RAD51B: variants seen among roughly 807,000 people sequenced by gnomAD.
The protein encoded by RAD51B is RAD51 paralog B.
RAD51B carries 38 observed loss-of-function variants against 42.2 expected under a neutral mutation model. The ratio of observed to expected loss-of-function variants is 0.90; its 90% confidence interval spans 0.70 to 1.18. The LOEUF is 1.18. RAD51B is among the 50% of genes most tolerant of loss of function. The pLI is 0.00. For synonymous variants in RAD51B, 154 were observed against 145.2 expected, an observed-to-expected ratio of 1.06 and a Z score of -0.43; for missense variants, 373 against 400.7, an observed-to-expected ratio of 0.93 and a Z score of 0.59.
intron 10 of RAD51B, among the ~76,000 whole-genome samples, chr14:68,568,803 C>T (rs1351042104): frequency 6.8e-6 from 1 of 147,938 alleles, no homozygotes; most frequent in Non-Finnish European, 1.5e-5. Flanking sequence ...TTTCTTCTTC[C>T]TCTGCCCTCT....
chr14:68,319,118 G>C (rs2082113545), intron 8 of RAD51B, among the ~76,000 whole-genome samples: 1 of 152,212 alleles, frequency 6.6e-6, no homozygotes, highest in Non-Finnish European at 1.5e-5. Context: ...CATTTGTTGA[G>C]AAGTAAGGGC....
intron 7 of RAD51B, among the ~76,000 whole-genome samples, chr14:68,208,229 A>G (rs1259269159): frequency 6.6e-6 from 1 of 152,226 alleles, no homozygotes; most frequent in Non-Finnish European, 1.5e-5. Flanking sequence ...GTTGGATCTA[A>G]CCCAGATTAC....
intron 10 of RAD51B, among the ~76,000 whole-genome samples, chr14:68,535,801 C>T (rs962727505): frequency 6.6e-6 from 1 of 152,172 alleles, no homozygotes; most frequent in African/African-American, 2.4e-5. Context: ...CCTCTCCTAA[C>T]TCTCAGTGAG....
chr14:67,996,332 G>A (rs1212828363), intron 7 of RAD51B, among the ~76,000 whole-genome samples: 1 of 151,524 alleles, frequency 6.6e-6, no homozygotes, highest in Admixed American at 6.6e-5. Flanking sequence ...GGAGGTCGAG[G>A]CTGCAGTGAG....
At chr14:68,221,498 A>G (rs2079926318) in intron 7 of RAD51B, among the ~76,000 whole-genome samples, 1 of 152,262 alleles carries the variant, frequency 6.6e-6, no homozygotes, top group African/African-American at 2.4e-5. Flanking sequence ...ATGTAGGAGA[A>G]TGAAACTGGA....
chr14:68,304,101 C>T (rs769713634), intron 8 of RAD51B, among the ~76,000 whole-genome samples: 3 of 150,694 alleles, frequency 2.0e-5, no homozygotes, highest in African/African-American at 4.9e-5. Flanking sequence ...GCCTGTGAGG[C>T]GGAGGTTGCA....
intron 10 of RAD51B, among the ~76,000 whole-genome samples, chr14:68,622,714 A>T (rs1891976480): frequency 9.3e-6 from 1 of 107,906 alleles, no homozygotes; most frequent in Non-Finnish European, 1.8e-5. Context: ...CTATTAATGT[A>T]TCCATTTACA....
At chr14:68,522,146 G>C (rs958332882) in intron 10 of RAD51B, among the ~76,000 whole-genome samples, 1 of 152,070 alleles carries the variant, frequency 6.6e-6, no homozygotes, top group Non-Finnish European at 1.5e-5. Context: ...GCCCTCCCTT[G>C]GGTTTGCTGT....
chr14:67,928,444 C>G (rs933290069), intron 7 of RAD51B, among the ~76,000 whole-genome samples: 2 of 152,084 alleles, frequency 1.3e-5, no homozygotes, highest in Non-Finnish European at 2.9e-5. Flanking sequence ...TATTAGCAGG[C>G]TGGAGGAGGC....
intron 11 of RAD51B, among the ~76,000 whole-genome samples, chr14:68,681,341 A>T (rs1345029480): frequency 6.6e-6 from 1 of 152,210 alleles, no homozygotes; most frequent in African/African-American, 2.4e-5. Flanking sequence ...GTAGGATCTT[A>T]TAAGAAATGA....
intron 11 of RAD51B, among the ~76,000 whole-genome samples, chr14:68,674,202 TATAC>T (rs1214037733): frequency 6.6e-6 from 1 of 151,968 alleles, no homozygotes; most frequent in Non-Finnish European, 1.5e-5. Flanking sequence ...CATACACACA[TATAC>T]ATACATATAT....
intron 10 of RAD51B, among the ~76,000 whole-genome samples, chr14:68,648,858 A>G (rs1892640668): frequency 6.6e-6 from 1 of 152,066 alleles, no homozygotes; most frequent in African/African-American, 2.4e-5. Context: ...TGTGATGGCG[A>G]TGACCCTGTG....
intron 7 of RAD51B, among the ~76,000 whole-genome samples, chr14:68,270,732 CTG>C (rs1421282126): frequency 6.6e-6 from 1 of 152,204 alleles, no homozygotes; most frequent in African/African-American, 2.4e-5. Context: ...AGCTCTCTCT[CTG>C]TCTCTTTTTT....
chr14:68,349,104 T>G (rs926336189), intron 8 of RAD51B, among the ~76,000 whole-genome samples: 3 of 152,194 alleles, frequency 2.0e-5, no homozygotes, highest in African/African-American at 7.2e-5. Context: ...AATTTGAAAT[T>G]TATATAATTT....
chr14:68,120,938 A>T (rs2077640401), intron 7 of RAD51B, among the ~76,000 whole-genome samples: 2 of 152,280 alleles, frequency 1.3e-5, no homozygotes, highest in South Asian at 4.1e-4. Context: ...GCTTAAAAAG[A>T]CATATTTTAT....
intron 5 of RAD51B, among the ~76,000 whole-genome samples, chr14:67,878,087 GTTTTATC>G (rs2042786281): frequency 6.6e-6 from 1 of 152,078 alleles, no homozygotes. Flanking sequence ...TATAGTTATA[GTTTTATC>G]TTTTATGTCA....
chr14:67,914,096 C>T (rs1355898553), intron 7 of RAD51B, among the ~76,000 whole-genome samples: 1 of 152,008 alleles, frequency 6.6e-6, no homozygotes, highest in African/African-American at 2.4e-5. Context: ...GATTCTCTTG[C>T]CTCAGCCTCC....
chr14:68,376,818 A>G lies in RAD51B; in HGVS notation c.854-34606A>G, dbSNP rs560890648. On this transcript the variant is annotated intron_variant, in intron 8 of 10. Transcript: ENST00000471583. Reference sequence around the variant, plus strand: ...CAATGGTAAGAACATGTTTTTTTGTAGTTACAATGAGTACATTATACAAGG... The same window carrying G: ...CAATGGTAAGAACATGTTTTTTTGTGGTTACAATGAGTACATTATACAAGG... Among the ~76,000 whole-genome samples the G allele has an allele frequency of 3.3e-5, 5 of 152,314 alleles. No homozygotes were observed. In the East Asian group the frequency reaches 7.7e-4, roughly 23 times the overall value.
At chr14:68,080,708 A>G (rs1260034190) in intron 7 of RAD51B, among the ~76,000 whole-genome samples, 1 of 152,204 alleles carries the variant, frequency 6.6e-6, no homozygotes, top group Non-Finnish European at 1.5e-5. Flanking sequence ...CATTAACTGA[A>G]AAGTCTACTT....
Sources: allele counts gnomAD v4.1 joint callset (sites outside exome capture counted in the v4.1 genomes callset), GRCh38; gene constraint gnomAD v4.1.1; transcripts MANE v1.5; gene names NCBI Gene and HGNC (gene_info 2026-07-23, HGNC 2026-07-21).